TSNARE1: variants seen among roughly 807,000 people sequenced by gnomAD.
TSNARE1 encodes t-SNARE domain containing 1.
A neutral mutation model predicts 62.0 loss-of-function variants in TSNARE1; 49 were observed. The ratio of observed to expected loss-of-function variants is 0.79; its 90% CI spans 0.63 to 1.00. The LOEUF (loss-of-function observed/expected upper bound fraction) is 1.00. Ranked by LOEUF, TSNARE1 falls within the 50% of genes least tolerant of loss-of-function variation. TSNARE1 has a pLI of 0.00. For synonymous variants in TSNARE1, 328 were observed against 294.4 expected (o/e 1.11, Z -1.17); for missense variants, 755 against 700.1 (o/e 1.08, Z -0.88).
intron 1 of TSNARE1, among the ~76,000 whole-genome samples, chr8:142,356,432 G>A (rs550807624): frequency 6.6e-6 from 1 of 152,230 alleles, no homozygotes; most frequent in Non-Finnish European, 1.5e-5. Flanking sequence ...CTGCCCCAGG[G>A]GAGAGTGGGC....
intron 6 of TSNARE1, among the ~76,000 whole-genome samples, chr8:142,324,594 C>T (rs996096344): frequency 4.6e-5 from 7 of 152,226 alleles, no homozygotes; most frequent in African/African-American, 1.4e-4. Context: ...CCTCATGTCC[C>T]GCGTATCTCA....
chr8:142,221,854 C>T (rs1816261750), intron 13 of TSNARE1, among the ~76,000 whole-genome samples: 1 of 135,360 alleles, frequency 7.4e-6, no homozygotes, highest in African/African-American at 2.8e-5. Flanking sequence ...TTCACTCACT[C>T]ATCCACTCAC....
At chr8:142,223,035 T>TTCACTCACTCATTCACTCATTCAC (rs1816505861) in intron 13 of TSNARE1, among the ~76,000 whole-genome samples, 3 of 7,066 alleles carry the variant, frequency 4.2e-4, no homozygotes, top group Admixed American at 3.1e-3. Context: ...CACTCACTCA[T>TTCACTCACTCATTCACTCATTCAC]TCACTCACTC....
chr8:142,404,085 C>T (rs1034942557), upstream of TSNARE1: 13 of 152,298 alleles, frequency 8.5e-5, no homozygotes, highest in African/African-American at 3.1e-4. Context: ...GGAGGTTCTC[C>T]CGCCGCCCTC....
chr8:142,363,821 C>A (rs887522031), intron 1 of TSNARE1, among the ~76,000 whole-genome samples: 2 of 152,184 alleles, frequency 1.3e-5, no homozygotes, highest in African/African-American at 4.8e-5. Flanking sequence ...GAAGACCACG[C>A]ACGCCCTCGC....
At chr8:142,325,618 G>C (rs1448765079) in intron 6 of TSNARE1, among the ~76,000 whole-genome samples, 1 of 152,142 alleles carries the variant, frequency 6.6e-6, no homozygotes, top group African/African-American at 2.4e-5. Context: ...GGGACTAACA[G>C]GGAGACCCCA....
chr8:142,276,399 G>A (rs1310223603), intron 11 of TSNARE1: 3 of 985,354 alleles, frequency 3.0e-6, no homozygotes, highest in Admixed American at 6.1e-5. Flanking sequence ...GGAGGGACCA[G>A]CCTGCCAGGG....
intron 13 of TSNARE1, among the ~76,000 whole-genome samples, chr8:142,215,300 C>T (rs576552452): frequency 2.0e-5 from 3 of 152,288 alleles, no homozygotes; most frequent in South Asian, 2.1e-4. Context: ...AGGGTGGGGG[C>T]GCCCCAAGGA....
chr8:142,223,296 A>ATTC (rs1816569925), intron 13 of TSNARE1, among the ~76,000 whole-genome samples: 2 of 109,580 alleles, frequency 1.8e-5, no homozygotes, highest in East Asian at 3.1e-4. Flanking sequence ...ATACTCACTC[A>ATTC]ACCACTCACT....
intron 1 of TSNARE1, among the ~76,000 whole-genome samples, chr8:142,390,921 CTG>C (rs1837469136): frequency 8.5e-6 from 1 of 118,124 alleles, no homozygotes. Flanking sequence ...GCTGGGGACT[CTG>C]TAACAGACGC....
intron 6 of TSNARE1, 61 bp downstream of exon 6, chr8:142,330,840 G>A (rs952060757): frequency 4.6e-5 from 72 of 1,562,454 alleles, no homozygotes; most frequent in Admixed American, 6.7e-5. Flanking sequence ...CCACACTCCC[G>A]CCCCTGCCCC....
chr8:142,336,207 G>T (rs1299357453), intron 4 of TSNARE1, among the ~76,000 whole-genome samples: 8 of 150,420 alleles, frequency 5.3e-5, no homozygotes, highest in Admixed American at 4.7e-4. Context: ...CCTGAACCTG[G>T]GAGATCGAGG....
intron 4 of TSNARE1, among the ~76,000 whole-genome samples, chr8:142,337,577 G>T (rs562263314): frequency 6.6e-6 from 1 of 152,218 alleles, no homozygotes; most frequent in African/African-American, 2.4e-5. Context: ...TGAGGGAGCC[G>T]CGGGGAGTGC....
chr8:142,229,020 T>C (rs1478626972), intron 13 of TSNARE1, among the ~76,000 whole-genome samples: 1 of 150,470 alleles, frequency 6.6e-6, no homozygotes, highest in Non-Finnish European at 1.5e-5. Context: ...GATGAGTTGA[T>C]GGATGGATGG....
chr8:142,297,325 C>T (rs1044605748), intron 10 of TSNARE1, among the ~76,000 whole-genome samples: 4 of 152,200 alleles, frequency 2.6e-5, no homozygotes, highest in Non-Finnish European at 4.4e-5. Flanking sequence ...AAGAGCAAGG[C>T]GGAAAGTGGG....
chr8:142,327,017 G>C (rs544338277), intron 6 of TSNARE1, among the ~76,000 whole-genome samples: 1 of 152,162 alleles, frequency 6.6e-6, no homozygotes, highest in African/African-American at 2.4e-5. Context: ...CACTGCTGGC[G>C]GGGGTGTAAA....
intron 1 of TSNARE1, among the ~76,000 whole-genome samples, chr8:142,388,840 T>C (rs556578185): frequency 5.6e-4 from 86 of 152,236 alleles, no homozygotes; most frequent in African/African-American, 2.1e-3. Context: ...CCTCCCAAAG[T>C]GCTGGGATTA....
chr8:142,271,718 A>C (rs1237570812), intron 12 of TSNARE1: 15 of 1,344,340 alleles, frequency 1.1e-5, no homozygotes, highest in Non-Finnish European at 1.4e-5. Flanking sequence ...GGAAAATGTC[A>C]GCCTGCACAC....
chr8:142,217,830 G>T (rs374765563), intron 13 of TSNARE1, among the ~76,000 whole-genome samples: 1 of 125,962 alleles, frequency 7.9e-6, no homozygotes, highest in Non-Finnish European at 1.7e-5. Flanking sequence ...GTGTGAGCAG[G>T]ATCAGGGCTC....
Sources: gnomAD v4.1 joint callset for allele counts (sites outside exome capture counted in the v4.1 genomes callset) on GRCh38, gnomAD v4.1.1 for gene constraint, MANE v1.5 for transcripts, NCBI Gene and HGNC (gene_info 2026-07-23, HGNC 2026-07-21) for gene names.